SMARCC1: variants seen among roughly 807,000 people sequenced by gnomAD.
The protein encoded by SMARCC1 is SWI/SNF complex subunit SMARCC1.
SMARCC1 carries 43 observed loss-of-function variants against 147.4 expected under a neutral mutation model. The ratio of observed to expected loss-of-function variants is 0.29; its 90% CI spans 0.23 to 0.38. The LOEUF is 0.38. Ranked by LOEUF, SMARCC1 falls within the 10% of genes least tolerant of loss-of-function variation. The probability of loss-of-function intolerance (pLI) is 1.00; values close to 1 mark genes in which losing one functional copy is unlikely to be tolerated. For missense variants in SMARCC1, 1,119 were observed against 1,381.1 expected (o/e 0.81, Z 3.01); for synonymous variants, 495 against 484.4 (o/e 1.02, Z -0.29).
At chr3:47,630,036 G>C (rs2032866254) in intron 24 of SMARCC1, among the ~76,000 whole-genome samples, 1 of 151,678 alleles carries the variant, frequency 6.6e-6, no homozygotes, top group African/African-American at 2.4e-5. Flanking sequence ...TGGCTTTATA[G>C]AGCCTGAGAA....
intron 19 of SMARCC1, among the ~76,000 whole-genome samples, chr3:47,669,326 G>A (rs2033466288): frequency 6.6e-6 from 1 of 152,134 alleles, no homozygotes; most frequent in Non-Finnish European, 1.5e-5. Flanking sequence ...GCATCAATGT[G>A]CAGCAGGAAA....
intron 2 of SMARCC1, among the ~76,000 whole-genome samples, chr3:47,770,683 A>AT (rs2034902366): frequency 6.6e-6 from 1 of 152,148 alleles, no homozygotes; most frequent in African/African-American, 2.4e-5. Context: ...ATAAATTAAA[A>AT]TTAAAAAAAG....
intron 26 of SMARCC1, among the ~76,000 whole-genome samples, chr3:47,608,259 TG>T (rs1482235946): frequency 6.6e-6 from 1 of 152,156 alleles, no homozygotes; most frequent in African/African-American, 2.4e-5. Flanking sequence ...GGCTAATTTT[TG>T]TATTTTCAGT....
chr3:47,712,261 T>C (rs1419563842), intron 8 of SMARCC1, among the ~76,000 whole-genome samples: 3 of 150,508 alleles, frequency 2.0e-5, no homozygotes, highest in African/African-American at 4.9e-5. Context: ...ACTAACTAAA[T>C]AAATAAATAG....
intron 7 of SMARCC1, among the ~76,000 whole-genome samples, chr3:47,716,811 A>C (rs2034161643): frequency 6.6e-6 from 1 of 152,242 alleles, no homozygotes; most frequent in African/African-American, 2.4e-5. Flanking sequence ...GAAAGAACTT[A>C]TTCAAATGAT....
chr3:47,670,944 G>A (rs1482817659), intron 18 of SMARCC1, among the ~76,000 whole-genome samples: 2 of 151,756 alleles, frequency 1.3e-5, no homozygotes, highest in Non-Finnish European at 2.9e-5. Flanking sequence ...TCAGCCCTTG[G>A]GAGGGCAAGG....
intron 2 of SMARCC1, among the ~76,000 whole-genome samples, chr3:47,758,596 A>G (rs897318468): frequency 7.2e-5 from 11 of 152,046 alleles, no homozygotes; most frequent in Non-Finnish European, 1.2e-4. Context: ...ATATACATAC[A>G]CTCATTTACG....
intron 26 of SMARCC1, among the ~76,000 whole-genome samples, chr3:47,592,038 A>AC (rs954771468): frequency 1.3e-5 from 2 of 152,264 alleles, no homozygotes; most frequent in African/African-American, 4.8e-5. Context: ...AGAACACAGT[A>AC]CCAAGACAGC....
At chr3:47,739,475 C>T (rs74835552) in intron 3 of SMARCC1, among the ~76,000 whole-genome samples, 7,980 of 152,200 alleles carry the variant, frequency 0.052, 297 homozygotes, top group Middle Eastern at 0.082. Flanking sequence ...TAGGCACCAG[C>T]CATCACACTC....
chr3:47,772,026 A>G lies in SMARCC1; in HGVS notation c.315+791T>C, dbSNP rs375039887. Among the ~76,000 whole-genome samples the G allele has an allele frequency of 2.6e-5, 4 of 151,500 alleles. No individual in the cohort carries two copies. The East Asian group carries it at 7.8e-4, about 30-fold the overall frequency. On this transcript the variant is annotated intron_variant, in intron 2 of 27. Coordinates refer to ENST00000254480, the MANE Select transcript of SMARCC1 (RefSeq NM_003074.4). ...GCAGGTTGCAGTGAGCCGAAATCAC[A>G]CCACTGCACTCTAGCCTGGGTGACA...
intron 21 of SMARCC1, among the ~76,000 whole-genome samples, chr3:47,651,488 G>C (rs1001608882): frequency 2.0e-5 from 3 of 152,306 alleles, no homozygotes; most frequent in African/African-American, 7.2e-5. Flanking sequence ...TGTTCTTCAA[G>C]TATGCCAGGT....
chr3:47,707,361 G>A (rs996469923), intron 9 of SMARCC1, among the ~76,000 whole-genome samples: 6 of 150,288 alleles, frequency 4.0e-5, no homozygotes, highest in Admixed American at 2.0e-4. Flanking sequence ...AAACTATCCC[G>A]GCTTGCAGAT....
chr3:47,672,018 T>C (rs1479569469), intron 18 of SMARCC1, among the ~76,000 whole-genome samples: 5 of 152,156 alleles, frequency 3.3e-5, no homozygotes, highest in Non-Finnish European at 5.9e-5. Flanking sequence ...ATTCAATTCA[T>C]AGCATTCTGA....
chr3:47,759,231 T>C (rs1484585087), intron 2 of SMARCC1, among the ~76,000 whole-genome samples: 1 of 150,102 alleles, frequency 6.7e-6, no homozygotes, highest in African/African-American at 2.4e-5. Context: ...CAGGCTGGTC[T>C]TGAACTCCTG....
chr3:47,700,370 T>C (rs900561881), intron 11 of SMARCC1, among the ~76,000 whole-genome samples: 2 of 152,178 alleles, frequency 1.3e-5, no homozygotes, highest in Non-Finnish European at 2.9e-5. Flanking sequence ...GGCTAATAAA[T>C]CATAAAATGC....
intron 15 of SMARCC1, 51 bp from the exon 16 acceptor site, chr3:47,678,362 CA>C (rs1389772896): frequency 2.4e-6 from 2 of 822,098 alleles, no homozygotes; most frequent in Non-Finnish European, 3.8e-6. Flanking sequence ...CTCTCAGAAA[CA>C]ATGTTACTTA....
chr3:47,652,049 GCT>G (rs1016193784), intron 21 of SMARCC1, among the ~76,000 whole-genome samples: 22 of 152,166 alleles, frequency 1.4e-4, no homozygotes, highest in African/African-American at 4.8e-4. Flanking sequence ...GTGGATCACA[GCT>G]CTCTGTAGCT....
At chr3:47,655,179 T>C (rs1385661078) in intron 21 of SMARCC1, among the ~76,000 whole-genome samples, 1 of 152,246 alleles carries the variant, frequency 6.6e-6, no homozygotes, top group East Asian at 1.9e-4. Flanking sequence ...ATATGTTCTG[T>C]AGAGCACTAG....
At chr3:47,754,911 C>T (rs1576432052) in intron 2 of SMARCC1, among the ~76,000 whole-genome samples, 1 of 152,012 alleles carries the variant, frequency 6.6e-6, no homozygotes, top group Non-Finnish European at 1.5e-5. Context: ...GGCATGGTGG[C>T]GGGCACTTGT....
Sources: gnomAD v4.1 joint callset for allele counts (sites outside exome capture counted in the v4.1 genomes callset) on GRCh38, gnomAD v4.1.1 for gene constraint, MANE v1.5 for transcripts, NCBI Gene and HGNC (gene_info 2026-07-23, HGNC 2026-07-21) for gene names.